Variants in RFX7 observed in about 807,000 individuals in gnomAD.
The protein encoded by RFX7 is DNA-binding protein RFX7.
RFX7 carries 26 observed loss-of-function variants against 111.8 expected under a neutral mutation model. The ratio of observed to expected loss-of-function variants is 0.23; its 90% CI spans 0.17 to 0.32. RFX7 has a LOEUF of 0.32. Among genes scored for constraint, RFX7 ranks in the 10% least tolerant of loss-of-function variants. The probability of loss-of-function intolerance (pLI) is 1.00; values close to 1 mark genes in which losing one functional copy is unlikely to be tolerated. For synonymous variants in RFX7, 624 were observed against 624.4 expected (o/e 1.00, Z 0.01); for missense variants, 1,573 against 1,772.9 (o/e 0.89, Z 2.02).
upstream of RFX7, chr15:56,243,934 G>T: frequency 6.7e-6 from 1 of 149,984 alleles, no homozygotes; most frequent in South Asian, 1.8e-4. Flanking sequence ...GGGGGGCGTG[G>T]ACCAGGGTGT....
intron 2 of RFX7, among the ~76,000 whole-genome samples, chr15:56,189,332 A>C (rs1418114433): frequency 7.9e-5 from 12 of 152,124 alleles, no homozygotes; most frequent in African/African-American, 2.9e-4. Flanking sequence ...GTGAGCTCTG[A>C]TCATGTTACT....
At chr15:56,209,067 T>C (rs973593009) in intron 2 of RFX7, among the ~76,000 whole-genome samples, 1 of 151,768 alleles carries the variant, frequency 6.6e-6, no homozygotes, top group African/African-American at 2.4e-5. Flanking sequence ...TCAGAGAACG[T>C]CAACCAACAT....
At chr15:56,182,634 A>G (rs376245372) in intron 2 of RFX7, among the ~76,000 whole-genome samples, 41 of 152,156 alleles carry the variant, frequency 2.7e-4, no homozygotes, top group African/African-American at 9.9e-4. Context: ...TTAATTCAAC[A>G]TTGTTTTTGA....
At chr15:56,218,099 C>T (rs1450039235) in intron 2 of RFX7, among the ~76,000 whole-genome samples, 1 of 144,746 alleles carries the variant, frequency 6.9e-6, no homozygotes, top group Admixed American at 6.9e-5. Flanking sequence ...ATTTGCACAG[C>T]ATTTACATTG....
At position 56,088,524 on chromosome 15, in the gene RFX7, GTC is replaced by G. The variant is rs2041555267; in HGVS notation, c.*4819_*4820del. ...TAAAAATCAAATCTTGAAAAATGTA[GTC>G]TTTTTGTTTTGTTCTTTTTTCTAAG... On this transcript the variant is annotated 3_prime_UTR_variant, in exon 10 of 10. Transcript: ENST00000559447. 1 of 152,020 alleles carries G rather than the reference GTC, an allele frequency of 6.6e-6. No homozygotes were observed. Among genetic ancestry groups the G allele is most frequent in the African/African-American group, 2.4e-5 (1 of 41,388 alleles). The allele number at this position is 152,020 out of a possible 1,614,324, so 9.4% of individuals were successfully genotyped here. A position where few individuals can be genotyped will look rare whatever the true frequency, so the allele number is the denominator to read the frequency against.
intron 5 of RFX7, among the ~76,000 whole-genome samples, chr15:56,131,222 T>C (rs192012969): frequency 2.0e-5 from 3 of 151,744 alleles, no homozygotes; most frequent in Non-Finnish European, 4.4e-5. Context: ...TAACACGTCT[T>C]GACATAAGGA....
intron 3 of RFX7, among the ~76,000 whole-genome samples, chr15:56,176,471 T>A (rs1265217445): frequency 6.6e-6 from 1 of 152,114 alleles, no homozygotes; most frequent in East Asian, 1.9e-4. Context: ...CAGGCAGACA[T>A]TAATATAATT....
intron 2 of RFX7, among the ~76,000 whole-genome samples, chr15:56,228,503 T>TA (rs2043510646): frequency 6.6e-6 from 1 of 152,012 alleles, no homozygotes; most frequent in Non-Finnish European, 1.5e-5. Flanking sequence ...ACTGGGAACT[T>TA]AAAAAAACTA....
chr15:56,139,346 C>A (rs989730010), intron 5 of RFX7, among the ~76,000 whole-genome samples: 7 of 152,144 alleles, frequency 4.6e-5, no homozygotes, highest in Non-Finnish European at 7.3e-5. Flanking sequence ...AAATTCCCTT[C>A]TCGCTTCATT....
intron 2 of RFX7, among the ~76,000 whole-genome samples, chr15:56,240,460 T>A (rs1438688149): frequency 1.3e-5 from 2 of 152,194 alleles, no homozygotes; most frequent in Non-Finnish European, 2.9e-5. Flanking sequence ...ATTTAATGCC[T>A]GATATTTCAA....
chr15:56,158,394 G>C (rs1274343574), intron 3 of RFX7, among the ~76,000 whole-genome samples: 1 of 152,136 alleles, frequency 6.6e-6, no homozygotes, highest in Non-Finnish European at 1.5e-5. Flanking sequence ...ATATGTTATT[G>C]CTTAAAATCA....
At chr15:56,107,332 ATTG>A (rs1188511016) in intron 5 of RFX7, among the ~76,000 whole-genome samples, 2 of 146,364 alleles carry the variant, frequency 1.4e-5, no homozygotes, top group African/African-American at 2.5e-5. Context: ...AGAAGAAAGA[ATTG>A]TTTTTTTTTT....
chr15:56,111,260 GA>G (rs1404251980), intron 5 of RFX7, among the ~76,000 whole-genome samples: 1 of 150,654 alleles, frequency 6.6e-6, no homozygotes, highest in South Asian at 2.1e-4. Flanking sequence ...TGTCTGTGTA[GA>G]AAGAGGTAGA....
intron 2 of RFX7, among the ~76,000 whole-genome samples, chr15:56,202,751 G>A (rs1302833332): frequency 1.3e-5 from 2 of 152,340 alleles, no homozygotes; most frequent in African/African-American, 4.8e-5. Flanking sequence ...GTCTGAGGCT[G>A]CAGTGAGCTA....
intron 2 of RFX7, 21 bp from the exon 3 acceptor site, chr15:56,179,324 G>A: frequency 8.1e-7 from 1 of 1,236,742 alleles, no homozygotes; most frequent in Non-Finnish European, 1.1e-6. Context: ...GAGAAAGTTA[G>A]GTTAGTAAAA....
chr15:56,172,943 GA>G (rs1405996398), intron 3 of RFX7, among the ~76,000 whole-genome samples: 1 of 152,104 alleles, frequency 6.6e-6, no homozygotes, highest in Non-Finnish European at 1.5e-5. Flanking sequence ...CAAAATATCA[GA>G]AACAAGTGTT....
intron 5 of RFX7, among the ~76,000 whole-genome samples, chr15:56,129,864 C>G (rs889768222): frequency 1.3e-5 from 2 of 152,102 alleles, no homozygotes; most frequent in African/African-American, 4.8e-5. Context: ...TATGGTTGAT[C>G]TTTTTGGCCA....
chr15:56,242,389 T>C (rs2043705216), intron 2 of RFX7, among the ~76,000 whole-genome samples: 1 of 152,154 alleles, frequency 6.6e-6, no homozygotes, highest in African/African-American at 2.4e-5. Flanking sequence ...AATGCTGAAA[T>C]ATTGGAAATT....
At position 56,150,025 on chromosome 15, in the gene RFX7, G is replaced by A. The variant is rs552758048; in HGVS notation, c.196-5542C>T. ...GCACCTGAGACAGTCGACCTTGGTC[G>A]GGGGGTTGCGGGGTGGGGCGGGGGG... On this transcript the variant is annotated intron_variant, in intron 3 of 9. Transcript: ENST00000559447. Among the ~76,000 whole-genome samples the A allele has an allele frequency of 9.9e-5, 15 of 151,802 alleles. 1 individual carries two copies. The South Asian group carries it at 2.1e-3, about 21-fold the overall frequency.
Sources: gnomAD v4.1 joint callset for allele counts (sites outside exome capture counted in the v4.1 genomes callset) on GRCh38, gnomAD v4.1.1 for gene constraint, MANE v1.5 for transcripts, NCBI Gene and HGNC (gene_info 2026-07-23, HGNC 2026-07-21) for gene names.